Variants in OIT3 observed in about 807,000 individuals in gnomAD.
OIT3 encodes oncoprotein induced transcript 3, also known as oncoprotein-induced transcript 3 protein.
OIT3 carries 41 observed loss-of-function variants against 52.2 expected under a neutral mutation model. The ratio of observed to expected loss-of-function variants is 0.79; its 90% CI spans 0.61 to 1.02. The LOEUF is 1.02. OIT3 is among the 50% of genes least tolerant of loss of function. The probability of loss-of-function intolerance (pLI) is 0.00; values close to 1 mark genes in which losing one functional copy is unlikely to be tolerated. For synonymous variants in OIT3, 244 were observed against 276.9 expected (o/e 0.88, Z 1.18); for missense variants, 634 against 715.5 (o/e 0.89, Z 1.30).
chr10:72,906,816 C>A, intron 4 of OIT3, 98 bp downstream of exon 4: 1 of 1,195,678 alleles, frequency 8.4e-7, no homozygotes, highest in Non-Finnish European at 1.1e-6. Flanking sequence ...CCGAAGAGAG[C>A]AACCGTTTGG....
At chr10:72,893,926 A>T in intron 1 of OIT3, 67 bp downstream of exon 1, 1 of 1,155,754 alleles carries the variant, frequency 8.7e-7, no homozygotes, top group Non-Finnish European at 1.3e-6. Flanking sequence ...TAATGTACAG[A>T]TGATTAAGAA....
intron 6 of OIT3, among the ~76,000 whole-genome samples, chr10:72,917,171 C>T (rs1485363836): frequency 6.6e-6 from 1 of 152,070 alleles, no homozygotes; most frequent in Non-Finnish European, 1.5e-5. Context: ...TTAATTAGAT[C>T]CCATTTGCCA....
chr10:72,909,801 T>C (rs997925936), intron 4 of OIT3, among the ~76,000 whole-genome samples: 9 of 151,992 alleles, frequency 5.9e-5, no homozygotes, highest in African/African-American at 1.4e-4. Flanking sequence ...GGTTTCACCA[T>C]GTTAGCCAGG....
intron 3 of OIT3, among the ~76,000 whole-genome samples, chr10:72,903,428 A>G (rs1463193546): frequency 6.6e-6 from 1 of 152,180 alleles, no homozygotes; most frequent in Non-Finnish European, 1.5e-5. Context: ...GGGTTTCACC[A>G]TGTTAGCCAG....
chr10:72,913,542 C>A, intron 6 of OIT3, 74 bp downstream of exon 6: 1 of 1,187,250 alleles, frequency 8.4e-7, no homozygotes, highest in South Asian at 1.3e-5. Context: ...CAGAGGTATG[C>A]CATGTGGCTT....
chr10:72,909,640 C>T (rs1846012628), intron 4 of OIT3, among the ~76,000 whole-genome samples: 1 of 152,010 alleles, frequency 6.6e-6, no homozygotes, highest in Non-Finnish European at 1.5e-5. Flanking sequence ...CTTTGTCACC[C>T]AAGCTACAGT....
At chr10:72,895,351 A>G (rs1372608022) in intron 1 of OIT3, among the ~76,000 whole-genome samples, 1 of 152,002 alleles carries the variant, frequency 6.6e-6, no homozygotes, top group Non-Finnish European at 1.5e-5. Context: ...TATATTCCCC[A>G]TTCTTTCCAT....
At chr10:72,925,941 G>T (rs1197097508) in intron 7 of OIT3, among the ~76,000 whole-genome samples, 1 of 152,366 alleles carries the variant, frequency 6.6e-6, no homozygotes, top group South Asian at 2.1e-4. Flanking sequence ...GAGTTCCATG[G>T]TATTTCCTAA....
At chr10:72,907,270 C>CA (rs913264998) in intron 4 of OIT3, among the ~76,000 whole-genome samples, 33 of 145,568 alleles carry the variant, frequency 2.3e-4, no homozygotes, top group African/African-American at 5.0e-4. Context: ...GAAAATATCT[C>CA]AAAAAAAAAA....
intron 1 of OIT3, among the ~76,000 whole-genome samples, chr10:72,895,017 T>C (rs1845862057): frequency 6.6e-6 from 1 of 152,166 alleles, no homozygotes; most frequent in Admixed American, 6.6e-5. Flanking sequence ...AGTGTGGACT[T>C]GAGTTAATAA....
chr10:72,926,943 C>T (rs906797003), intron 7 of OIT3, among the ~76,000 whole-genome samples: 3 of 151,950 alleles, frequency 2.0e-5, no homozygotes, highest in African/African-American at 7.3e-5. Flanking sequence ...ACCCATGAAG[C>T]CATCACAATA....
At chr10:72,920,108 C>A (rs1005779278) in intron 6 of OIT3, among the ~76,000 whole-genome samples, 1 of 152,118 alleles carries the variant, frequency 6.6e-6, no homozygotes, top group African/African-American at 2.4e-5. Context: ...GCTATTACTG[C>A]CTCAATTTCA....
chr10:72,900,042 A>G (rs922312475), intron 2 of OIT3, among the ~76,000 whole-genome samples: 6 of 152,220 alleles, frequency 3.9e-5, no homozygotes, highest in African/African-American at 1.4e-4. Flanking sequence ...TCATTGATCT[A>G]GATGACAGAA....
At chr10:72,895,468 C>T (rs569781259) in intron 1 of OIT3, among the ~76,000 whole-genome samples, 2 of 152,224 alleles carry the variant, frequency 1.3e-5, no homozygotes, top group East Asian at 1.9e-4. Context: ...GGAACTAGAG[C>T]TGGTGTTTGC....
chr10:72,911,640 T>C, intron 4 of OIT3, 77 bp from the exon 5 acceptor site: 1 of 1,507,046 alleles, frequency 6.6e-7, no homozygotes, highest in Non-Finnish European at 9.0e-7. Flanking sequence ...TTAAGTATAA[T>C]CCCTGATGCA....
intron 6 of OIT3, among the ~76,000 whole-genome samples, chr10:72,923,575 T>C (rs78047197): frequency 6.6e-6 from 1 of 151,090 alleles, no homozygotes; most frequent in Admixed American, 6.6e-5. Context: ...ACAGCTAAGT[T>C]GCTGAAACAG....
chr10:72,908,000 T>G (rs1051006296), intron 4 of OIT3, among the ~76,000 whole-genome samples: 17 of 152,202 alleles, frequency 1.1e-4, no homozygotes, highest in Admixed American at 8.5e-4. Flanking sequence ...CCCAGTACTT[T>G]GGGAGACTGT....
chr10:72,904,024 C>T (rs1845956099), intron 3 of OIT3, among the ~76,000 whole-genome samples: 1 of 152,122 alleles, frequency 6.6e-6, no homozygotes, highest in South Asian at 2.1e-4. Flanking sequence ...ACACCCTGGG[C>T]CTGGTAGTTA....
intron 3 of OIT3, among the ~76,000 whole-genome samples, chr10:72,905,879 C>T (rs1427944437): frequency 3.3e-5 from 5 of 152,198 alleles, no homozygotes; most frequent in African/African-American, 7.2e-5. Flanking sequence ...CAAGGTCATG[C>T]CTCCTGTCAT....
Sources: gnomAD v4.1 joint callset for allele counts (sites outside exome capture counted in the v4.1 genomes callset) on GRCh38, gnomAD v4.1.1 for gene constraint, MANE v1.5 for transcripts, NCBI Gene and HGNC (gene_info 2026-07-23, HGNC 2026-07-21) for gene names.